The following PARVB variants were observed in gnomAD, a reference collection of about 807,000 sequenced individuals.
PARVB encodes the protein beta-parvin.
In PARVB, 46 loss-of-function variants were observed where a neutral mutation model predicts 47.0. The ratio of observed to expected loss-of-function variants is 0.98; its 90% confidence interval spans 0.77 to 1.25. PARVB has a LOEUF of 1.25. Ranked by LOEUF, PARVB falls within the 50% of genes most tolerant of loss-of-function variation. The pLI is 0.00. For synonymous variants in PARVB, 196 were observed against 196.3 expected, an observed-to-expected ratio of 1.00 and a Z score of 0.01; for missense variants, 473 against 471.6, an observed-to-expected ratio of 1.00 and a Z score of -0.03.
At chr22:44,021,759 T>TCACACACACA (rs3223605), upstream of PARVB, among the ~76,000 whole-genome samples, 469 of 102,752 alleles carry the variant, frequency 4.6e-3, 6 homozygotes, top group Non-Finnish European at 6.9e-3. Flanking sequence ...AAGTCTAGAC[T>TCACACACACA]CACACACACA....
At chr22:44,075,571 C>T (rs747183341) in intron 1 of PARVB, among the ~76,000 whole-genome samples, 2 of 152,154 alleles carry the variant, frequency 1.3e-5, no homozygotes, top group Admixed American at 1.3e-4. Flanking sequence ...GTGACACTGC[C>T]CTGAGATCCC....
At chr22:44,081,568 G>A (rs761915344) in intron 1 of PARVB, 24 of 984,602 alleles carry the variant, frequency 2.4e-5, no homozygotes, top group South Asian at 9.4e-5. Context: ...GGGAACCAGC[G>A]AACGTGCTTC....
At chr22:44,053,485 C>T (rs1169442113) in intron 1 of PARVB, among the ~76,000 whole-genome samples, 2 of 152,168 alleles carry the variant, frequency 1.3e-5, no homozygotes, top group African/African-American at 2.4e-5. Flanking sequence ...GTTAGGGCAC[C>T]GTACAGGTAG....
chr22:44,082,145 G>A (rs1369450385), intron 1 of PARVB, among the ~76,000 whole-genome samples: 1 of 152,230 alleles, frequency 6.6e-6, no homozygotes, highest in African/African-American at 2.4e-5. Flanking sequence ...TTGGGGATGT[G>A]TATCCCACTG....
chr22:44,066,795 C>CCTCCTCCTCCTCCTCCTT (rs2051537590), intron 1 of PARVB, among the ~76,000 whole-genome samples: 7 of 140,318 alleles, frequency 5.0e-5, no homozygotes, highest in African/African-American at 1.9e-4. Context: ...TCCTCCTCCT[C>CCTCCTCCTCCTCCTCCTT]CTCCTCCTCC....
rs34166269 is a variant in PARVB at position 44,101,407 on chromosome 22, C to CAA, written c.273+1292_273+1293dup. Among the ~76,000 whole-genome samples, 521 of 128,734 alleles carry CAA rather than the reference C, an allele frequency of 4.0e-3. 6 individuals carry two copies. Among genetic ancestry groups the CAA allele is most frequent in the African/African-American group, 0.018 (487 of 26,498 alleles). The allele number at this position is 128,734 out of a possible 152,430, so 84.5% of individuals were successfully genotyped here. ...CCTGGGCGACAGCGAGGCTCCGTCTCAAAAAAAAATAAAAAATAAAAAATA... is the reference window on the plus strand; with the variant it reads ...CCTGGGCGACAGCGAGGCTCCGTCTCAAAAAAAAAAATAAAAAATAAAAAATA... On this transcript the variant is annotated intron_variant, in intron 3 of 12. Coordinates refer to ENST00000338758, the MANE Select transcript of PARVB (RefSeq NM_013327.5).
intron 1 of PARVB, among the ~76,000 whole-genome samples, chr22:44,056,132 G>A (rs543147645): frequency 1.2e-4 from 19 of 152,296 alleles, no homozygotes; most frequent in African/African-American, 4.3e-4. Context: ...CCAATATGAC[G>A]GGAGCCCCAC....
chr22:44,120,161 G>A (rs935131354), intron 4 of PARVB, among the ~76,000 whole-genome samples: 13 of 152,206 alleles, frequency 8.5e-5, no homozygotes, highest in African/African-American at 1.9e-4. Context: ...ACCTGTCTAC[G>A]GAGCAGCCCC....
Position 44,147,875 on chromosome 22 carries a change from G to A in PARVB, c.727G>A (p.Asp243Asn), listed in dbSNP as rs750085183. Residue 243 changes from aspartate to asparagine, a missense_variant, in exon 9 of 13, where the codon GAC becomes AAC. By Grantham distance (23) the Asp-to-Asn change is conservative. Transcript: ENST00000338758. ...CATGTCCTCAGAGCGGGATGCCTTCGACACGCTGTTCGACCACGCCCCGGA... is the reference window on the plus strand; with the variant it reads ...CATGTCCTCAGAGCGGGATGCCTTCAACACGCTGTTCGACCACGCCCCGGA... ...MMGRFERDAF[D>N]TLFDHAPDKL... is the part of the protein sequence containing the mutation. 39 of 1,613,926 alleles carry A rather than the reference G, an allele frequency of 2.4e-5. No individual in the cohort carries two copies. The highest frequency in any genetic ancestry group is 1.5e-4 in the African/African-American group (11 of 74,914).
At chr22:44,147,039 C>T (rs1384941310) in intron 8 of PARVB, 1 of 157,294 alleles carries the variant, frequency 6.4e-6, no homozygotes, top group Non-Finnish European at 1.4e-5. Context: ...TTCCATATGC[C>T]CCTATGGAAC....
chr22:44,112,561 A>G (rs2052726005), intron 3 of PARVB: 1 of 152,548 alleles, frequency 6.6e-6, no homozygotes, highest in Non-Finnish European at 1.5e-5. Context: ...GGCTCCCAAA[A>G]CAGGGTCTCA....
At chr22:44,008,275 C>G (rs562470038) in intron 2 of PARVB, among the ~76,000 whole-genome samples, 5 of 152,168 alleles carry the variant, frequency 3.3e-5, no homozygotes, top group Admixed American at 6.5e-5. Flanking sequence ...CCACGCCCAA[C>G]TGATTTTTGT....
intron 1 of PARVB, among the ~76,000 whole-genome samples, chr22:44,033,179 C>G (rs2050855330): frequency 1.3e-5 from 2 of 152,036 alleles, no homozygotes; most frequent in Non-Finnish European, 2.9e-5. Context: ...GCCTCTGCCT[C>G]CTGGGTTCAA....
intron 1 of PARVB, among the ~76,000 whole-genome samples, chr22:44,059,504 T>C (rs1024688236): frequency 2.0e-5 from 3 of 152,214 alleles, no homozygotes; most frequent in Admixed American, 1.3e-4. Context: ...GCTGAGTCAT[T>C]TCATCCTGTT....
intron 1 of PARVB, among the ~76,000 whole-genome samples, chr22:44,060,368 G>A (rs917240127): frequency 3.3e-5 from 5 of 152,118 alleles, no homozygotes; most frequent in African/African-American, 1.2e-4. Context: ...ACCATCTTTA[G>A]TCCCAAGATC....
intron 1 of PARVB, among the ~76,000 whole-genome samples, chr22:44,078,144 C>T (rs11705487): frequency 0.02 from 3,009 of 152,256 alleles, 34 homozygotes; most frequent in Middle Eastern, 0.065. Context: ...GTCCTGTGAG[C>T]TCTGTTTGCA....
chr22:44,094,780 T>A (rs911898246), intron 2 of PARVB, among the ~76,000 whole-genome samples: 5 of 151,774 alleles, frequency 3.3e-5, no homozygotes, highest in Non-Finnish European at 7.4e-5. Context: ...TATGAGCCAC[T>A]GCGCCTGGCC....
chr22:44,039,649 A>C (rs924180069), intron 1 of PARVB, among the ~76,000 whole-genome samples: 1 of 152,194 alleles, frequency 6.6e-6, no homozygotes, highest in Admixed American at 6.5e-5. Flanking sequence ...CTTGGGGACC[A>C]TCAGTAGGTG....
chr22:44,147,313 G>A (rs2053706390), intron 8 of PARVB: 1 of 236,436 alleles, frequency 4.2e-6, no homozygotes, highest in South Asian at 6.1e-5. Flanking sequence ...GAGTGGAGGG[G>A]GGAAACAAAT....
Sources: allele counts gnomAD v4.1 joint callset (sites outside exome capture counted in the v4.1 genomes callset), GRCh38; gene constraint gnomAD v4.1.1; transcripts MANE v1.5; gene names NCBI Gene and HGNC (gene_info 2026-07-23, HGNC 2026-07-21).